Variants in SUGT1 observed in about 807,000 individuals in gnomAD.
SUGT1 encodes the protein SGT1 assembly cochaperone of MIS12 kinetochore complex, also known as protein SGT1 homolog.
Under a neutral mutation model 56.1 loss-of-function variants are expected in SUGT1, and 15 were observed. The ratio of observed to expected loss-of-function variants is 0.27; its 90% CI spans 0.18 to 0.41. The LOEUF (loss-of-function observed/expected upper bound fraction) is 0.41, where lower values mean the gene tolerates loss of function less well. Among genes scored for constraint, SUGT1 ranks in the 10% least tolerant of loss-of-function variants. The probability of loss-of-function intolerance (pLI) is 1.00; values close to 1 mark genes in which losing one functional copy is unlikely to be tolerated. For synonymous variants in SUGT1, 123 were observed against 128.6 expected, an observed-to-expected ratio of 0.96 and a Z score of 0.30; for missense variants, 347 against 382.2, an observed-to-expected ratio of 0.91 and a Z score of 0.77.
intron 12 of SUGT1, among the ~76,000 whole-genome samples, chr13:52,686,898 C>T (rs1303580693): frequency 2.6e-5 from 4 of 151,242 alleles, no homozygotes; most frequent in Non-Finnish European, 2.9e-5. Flanking sequence ...ATGGAGAAAC[C>T]CTGTCTCTAC....
chr13:52,665,412 T>G (rs1228730089), intron 8 of SUGT1, among the ~76,000 whole-genome samples: 2 of 152,190 alleles, frequency 1.3e-5, no homozygotes, highest in Non-Finnish European at 2.9e-5. Context: ...TGCAAGTATT[T>G]AAGTCTACTG....
At position 52,652,941 on chromosome 13, in the gene SUGT1, A is replaced by G. The variant is rs535843710; in HGVS notation, c.21A>G (p.Gly7=). 28 of 1,614,166 alleles carry G rather than the reference A, an allele frequency of 1.7e-5. No homozygotes were observed. In the African/African-American group the frequency reaches 3.5e-4, roughly 20 times the overall value. Residue 7 remains glycine, a synonymous_variant, in exon 1 of 13, where the codon GGA becomes GGG. Transcript: ENST00000310528. MAAAAA[G]TATSQRFFQS... is the part of the protein sequence containing the mutation. ...GAGGGATGGCGGCGGCTGCAGCAGG[A>G]ACTGCAACATCCCAGAGGTGCATGT...
intron 11 of SUGT1, among the ~76,000 whole-genome samples, chr13:52,679,412 A>AT (rs1390415363): frequency 4.6e-5 from 7 of 152,110 alleles, no homozygotes; most frequent in African/African-American, 1.7e-4. Context: ...ACTTACTGTT[A>AT]TTGCCTATTA....
At chr13:52,659,565 GA>G (rs1962324919) in intron 5 of SUGT1, among the ~76,000 whole-genome samples, 1 of 151,842 alleles carries the variant, frequency 6.6e-6, no homozygotes. Context: ...GCCTTGGTCA[GA>G]AGTCTGTTCA....
rs963228553 is a variant in SUGT1, at chr13:52,697,447, A to G, written c.*9612A>G. 1 of 152,206 alleles carries G rather than the reference A, an allele frequency of 6.6e-6. No homozygotes were observed. Among genetic ancestry groups the G allele is most frequent in the Non-Finnish European group, 1.5e-5 (1 of 68,038 alleles). 9.4% of individuals were successfully genotyped at this position (152,206 alleles called of 1,614,324 possible). On this transcript the variant is annotated 3_prime_UTR_variant, in exon 13 of 13. Coordinates refer to ENST00000310528, the MANE Select transcript of SUGT1 (RefSeq NM_006704.5). ...GAGAGGCCAGATCTTAAAAGCCAGG[A>G]GTGGAATTAGGTTTGAGCATATGTA...
chr13:52,677,836 ATC>A (rs752120105), intron 11 of SUGT1, among the ~76,000 whole-genome samples: 11 of 152,184 alleles, frequency 7.2e-5, no homozygotes, highest in Non-Finnish European at 1.3e-4. Flanking sequence ...TAGATTACTC[ATC>A]TCTCAGTAGT....
rs1961974017 is a variant in SUGT1 at position 52,652,947 on chromosome 13, A to C, written c.27A>C (p.Ala9=). MAAAAAGT[A]TSQRFFQSFS... ...TGGCGGCGGCTGCAGCAGGAACTGC[A>C]ACATCCCAGAGGTGCATGTTTTTCT... Residue 9 remains alanine (A), a synonymous_variant, in exon 1 of 13, where the codon GCA becomes GCC. Coordinates refer to ENST00000310528, the MANE Select transcript of SUGT1 (RefSeq NM_006704.5). The C allele has an allele frequency of 3.7e-6, 6 of 1,614,210 alleles. No individual in the cohort carries two copies. Among genetic ancestry groups the C allele is most frequent in the South Asian group, 1.1e-5 (1 of 91,076 alleles).
chr13:52,658,317 A>G, intron 3 of SUGT1, 82 bp from the exon 4 acceptor site: 1 of 1,583,442 alleles, frequency 6.3e-7, no homozygotes, highest in Admixed American at 1.9e-5. Context: ...GAAAACTTAG[A>G]AATCTAAAAC....
intron 2 of SUGT1, 27 bp downstream of exon 2, chr13:52,653,130 C>T: frequency 1.2e-6 from 2 of 1,613,940 alleles, no homozygotes; most frequent in Non-Finnish European, 8.5e-7. Context: ...CTGCTTCCTC[C>T]ACTCTTCTTA....
chr13:52,664,874 G>A (rs74088612), intron 8 of SUGT1, among the ~76,000 whole-genome samples: 2,094 of 152,150 alleles, frequency 0.014, 47 homozygotes, highest in African/African-American at 0.048. Flanking sequence ...TACGTGTACC[G>A]GACACTGTGC....
Position 52,692,042 on chromosome 13 carries a change from C to T in SUGT1, c.*4207C>T, listed in dbSNP as rs1366322907. 1 of 152,186 alleles carries T rather than the reference C, an allele frequency of 6.6e-6. No individual in the cohort carries two copies. Among genetic ancestry groups the T allele is most frequent in the Non-Finnish European group, 1.5e-5 (1 of 68,036 alleles). The allele number at this position is 152,186 out of a possible 1,614,324, so 9.4% of individuals were successfully genotyped here. A position where few individuals can be genotyped will look rare whatever the true frequency, so the allele number is the denominator to read the frequency against. ...TTCCTACCTTAGTAAAGTTGCTCCT[C>T]CAAATCAGCTAAAATCATATACAAT... On this transcript the variant is annotated 3_prime_UTR_variant, in exon 13 of 13. Coordinates refer to ENST00000310528, the MANE Select transcript of SUGT1 (RefSeq NM_006704.5).
At chr13:52,684,876 T>C (rs909009227) in intron 12 of SUGT1, among the ~76,000 whole-genome samples, 1 of 148,748 alleles carries the variant, frequency 6.7e-6, no homozygotes, top group Non-Finnish European at 1.5e-5. Context: ...TTCCCTGATC[T>C]CTTGGCAAGA....
rs1226847063 is a variant in SUGT1 at position 52,692,374 on chromosome 13, G to A, written c.*4539G>A. 6.6e-6 allele frequency: 1 copy of A among 152,002 alleles called. No individual in the cohort carries two copies. The highest frequency in any genetic ancestry group is 1.5e-5 in the Non-Finnish European group (1 of 68,046). The allele number at this position is 152,002 out of a possible 1,614,324, so 9.4% of individuals were successfully genotyped here. A position where few individuals can be genotyped will look rare whatever the true frequency, so the allele number is the denominator to read the frequency against. On this transcript the variant is annotated 3_prime_UTR_variant, in exon 13 of 13. Coordinates refer to ENST00000310528, the MANE Select transcript of SUGT1 (RefSeq NM_006704.5). ...TTTTTATTACCAAATCAGCTGACTG[G>A]AAATGAAGCAGAGAATATTCAAGTT... is the stretch of plus-strand genomic sequence containing the variant.
intron 11 of SUGT1, among the ~76,000 whole-genome samples, chr13:52,679,660 A>C (rs1963290188): frequency 6.6e-6 from 1 of 152,190 alleles, no homozygotes; most frequent in African/African-American, 2.4e-5. Flanking sequence ...TATACTTTTC[A>C]TCTAGTTTCT....
Position 52,698,446 on chromosome 13 carries a change from A to ATTT in SUGT1, c.*10612_*10613insTTT, listed in dbSNP as rs1963995611. On this transcript the variant is annotated 3_prime_UTR_variant, in exon 13 of 13. Transcript: ENST00000310528. The stretch of plus-strand genomic sequence containing the variant: ...TCTCTCTTAAAACTTATTTATCCTA[A>ATTT]TCTTTTTTTTTTTTTTTTTTTTAAG... 1 of 34,348 alleles carries ATTT rather than the reference A, an allele frequency of 2.9e-5. No homozygotes were observed. Among genetic ancestry groups the ATTT allele is most frequent in the Non-Finnish European group, 5.9e-5 (1 of 16,936 alleles). The allele number at this position is 34,348 out of a possible 1,614,324, so 2.1% of individuals were successfully genotyped here. A position where few individuals can be genotyped will look rare whatever the true frequency, so the allele number is the denominator to read the frequency against.
chr13:52,654,559 A>G (rs1047858719), intron 2 of SUGT1, among the ~76,000 whole-genome samples: 1 of 152,226 alleles, frequency 6.6e-6, no homozygotes, highest in African/African-American at 2.4e-5. Flanking sequence ...GAGTATCTCC[A>G]TTCATAATGC....
intron 8 of SUGT1, among the ~76,000 whole-genome samples, chr13:52,664,774 C>T (rs920231669): frequency 6.6e-6 from 1 of 152,014 alleles, no homozygotes; most frequent in African/African-American, 2.4e-5. Flanking sequence ...TTTGACTTGC[C>T]CTGGTGGCAG....
chr13:52,685,749 C>T (rs1450603947), intron 12 of SUGT1, among the ~76,000 whole-genome samples: 1 of 152,162 alleles, frequency 6.6e-6, no homozygotes, highest in African/African-American at 2.4e-5. Flanking sequence ...ACTTTGTTCT[C>T]TATAATCTCC....
At chr13:52,658,166 G>A in intron 3 of SUGT1, 1 of 1,451,460 alleles carries the variant, frequency 6.9e-7, no homozygotes, top group Non-Finnish European at 9.1e-7. Context: ...TGAATTTTGT[G>A]ACACAGCTGT....
Sources: allele counts gnomAD v4.1 joint callset (sites outside exome capture counted in the v4.1 genomes callset), GRCh38; gene constraint gnomAD v4.1.1; transcripts MANE v1.5; gene names NCBI Gene and HGNC (gene_info 2026-07-23, HGNC 2026-07-21).